FOXP2: variants seen among roughly 807,000 people sequenced by gnomAD.
FOXP2 encodes the protein forkhead box P2.
A neutral mutation model predicts 115.8 loss-of-function variants in FOXP2; 12 were observed. The observed-to-expected ratio is 0.10, with a 90% CI of 0.07 to 0.17. The LOEUF is 0.17. Ranked by LOEUF, FOXP2 falls within the 10% of genes least tolerant of loss-of-function variation. The probability of loss-of-function intolerance (pLI) is 1.00; values close to 1 mark genes in which losing one functional copy is unlikely to be tolerated. For missense variants in FOXP2, 629 were observed against 843.5 expected, an observed-to-expected ratio of 0.75 and a Z score of 3.15; for synonymous variants, 328 against 297.7, an observed-to-expected ratio of 1.10 and a Z score of -1.05.
At chr7:114,335,212 A>G (rs1797821514) in intron 2 of FOXP2, among the ~76,000 whole-genome samples, 1 of 151,522 alleles carries the variant, frequency 6.6e-6, no homozygotes, top group Non-Finnish European at 1.5e-5. Flanking sequence ...ATCCAATATT[A>G]TGAAATAAAG....
At chr7:114,422,388 TGA>T (rs1221691856) in intron 1 of FOXP2, among the ~76,000 whole-genome samples, 3 of 151,720 alleles carry the variant, frequency 2.0e-5, no homozygotes, top group African/African-American at 4.8e-5. Context: ...TCCACCAAAA[TGA>T]GAGTTAATAT....
At chr7:114,629,282 A>G (rs1804761882) in intron 4 of FOXP2, among the ~76,000 whole-genome samples, 1 of 152,170 alleles carries the variant, frequency 6.6e-6, no homozygotes, top group Non-Finnish European at 1.5e-5. Flanking sequence ...TATATTATAC[A>G]CTTACTTATT....
intron 3 of FOXP2, among the ~76,000 whole-genome samples, chr7:114,544,188 C>T (rs1270280905): frequency 6.6e-6 from 1 of 151,968 alleles, no homozygotes; most frequent in African/African-American, 2.4e-5. Flanking sequence ...AGGGAAAGGC[C>T]GTGTCTTGAG....
chr7:114,223,340 C>T (rs1441009515), intron 1 of FOXP2, among the ~76,000 whole-genome samples: 1 of 151,806 alleles, frequency 6.6e-6, no homozygotes, highest in Non-Finnish European at 1.5e-5. Flanking sequence ...TTGCATTTCC[C>T]AGATTACTAA....
intron 1 of FOXP2, among the ~76,000 whole-genome samples, chr7:114,250,984 A>G (rs1795427336): frequency 1.3e-5 from 2 of 152,164 alleles, no homozygotes; most frequent in African/African-American, 4.8e-5. Context: ...ATAAGGAAAA[A>G]GAAGGGATCC....
At chr7:114,329,108 T>G (rs1797631603) in intron 2 of FOXP2, among the ~76,000 whole-genome samples, 1 of 152,184 alleles carries the variant, frequency 6.6e-6, no homozygotes, top group Non-Finnish European at 1.5e-5. Flanking sequence ...AAAAAATGGA[T>G]CGAGTATTGA....
At chr7:114,150,733 ACTG>A (rs1792508766) in intron 1 of FOXP2, among the ~76,000 whole-genome samples, 2 of 151,996 alleles carry the variant, frequency 1.3e-5, no homozygotes, top group Admixed American at 1.3e-4. Flanking sequence ...CAATTATGTC[ACTG>A]GTGGTCACTT....
intron 1 of FOXP2, among the ~76,000 whole-genome samples, chr7:114,089,388 G>A (rs1799496980): frequency 6.6e-6 from 1 of 151,892 alleles, no homozygotes; most frequent in African/African-American, 2.4e-5. Flanking sequence ...TTATAGTTAG[G>A]TTGTTAAAAT....
chr7:114,192,555 T>C (rs2129157714), intron 1 of FOXP2, among the ~76,000 whole-genome samples: 1 of 152,338 alleles, frequency 6.6e-6, no homozygotes, highest in South Asian at 2.1e-4. Flanking sequence ...TAAGAAACTA[T>C]CAAATTGTCT....
intron 2 of FOXP2, among the ~76,000 whole-genome samples, chr7:114,473,615 A>G (rs1299248076): frequency 6.6e-6 from 1 of 152,178 alleles, no homozygotes; most frequent in Non-Finnish European, 1.5e-5. Context: ...TTTATATACC[A>G]CACCTTCTAA....
intron 2 of FOXP2, among the ~76,000 whole-genome samples, chr7:114,520,953 G>A (rs1420774377): frequency 1.3e-5 from 2 of 152,046 alleles, no homozygotes; most frequent in Admixed American, 1.3e-4. Flanking sequence ...GTCTTATAAG[G>A]AAGTTCATTG....
At chr7:114,209,421 G>C (rs1182367752) in intron 1 of FOXP2, among the ~76,000 whole-genome samples, 3 of 152,188 alleles carry the variant, frequency 2.0e-5, no homozygotes, top group African/African-American at 7.2e-5. Context: ...AGTTTGGCTG[G>C]ATATGAAATT....
intron 1 of FOXP2, among the ~76,000 whole-genome samples, chr7:114,223,703 T>C (rs890807315): frequency 6.6e-6 from 1 of 151,292 alleles, no homozygotes; most frequent in Non-Finnish European, 1.5e-5. Context: ...TCAAAACTTC[T>C]GGGCTCAAGT....
chr7:114,385,757 T>A (rs552286870), intron 2 of FOXP2, among the ~76,000 whole-genome samples: 139 of 152,296 alleles, frequency 9.1e-4, no homozygotes, highest in African/African-American at 3.2e-3. Context: ...GCTTTGGATG[T>A]CCCTTCGTGG....
chr7:114,562,876 G>A (rs1800821673), intron 3 of FOXP2, among the ~76,000 whole-genome samples: 1 of 151,442 alleles, frequency 6.6e-6, no homozygotes, highest in African/African-American at 2.4e-5. Flanking sequence ...CTTACTACCT[G>A]TATTACTCTG....
At chr7:114,557,936 G>A (rs1053562972) in intron 3 of FOXP2, among the ~76,000 whole-genome samples, 1 of 151,932 alleles carries the variant, frequency 6.6e-6, no homozygotes, top group Non-Finnish European at 1.5e-5. Flanking sequence ...AGCCTCCCAA[G>A]TAGCTGGGAT....
At chr7:114,664,180 C>T in intron 15 of FOXP2, 93 bp from the exon 16 acceptor site, 1 of 1,347,546 alleles carries the variant, frequency 7.4e-7, no homozygotes, top group Admixed American at 1.9e-5. Context: ...ATATCTATTT[C>T]CTTATTGGAA....
intron 1 of FOXP2, among the ~76,000 whole-genome samples, chr7:114,252,228 A>G (rs572314689): frequency 3.0e-4 from 46 of 152,184 alleles, no homozygotes; most frequent in African/African-American, 1.0e-3. Context: ...GTCGATATTT[A>G]TCAGGGATAT....
At chr7:114,369,534 T>TA (rs557419747) in intron 2 of FOXP2, among the ~76,000 whole-genome samples, 4,939 of 146,866 alleles carry the variant, frequency 0.034, 108 homozygotes, top group Non-Finnish European at 0.05. Flanking sequence ...TAAACACTGC[T>TA]AAAAAAAAAA....
Sources: allele counts gnomAD v4.1 joint callset (sites outside exome capture counted in the v4.1 genomes callset), GRCh38; gene constraint gnomAD v4.1.1; transcripts MANE v1.5; gene names NCBI Gene and HGNC (gene_info 2026-07-23, HGNC 2026-07-21).